The following GLYATL3 variants were observed in gnomAD, a reference collection of about 807,000 sequenced individuals.
GLYATL3 encodes the protein glycine N-acyltransferase-like protein 3.
In GLYATL3, 31 loss-of-function variants were observed where a neutral mutation model predicts 28.5. The observed-to-expected ratio is 1.09, with a 90% CI of 0.82 to 1.47. The LOEUF is 1.47. Among genes scored for constraint, GLYATL3 ranks in the 40% most tolerant of loss-of-function variants. The probability of loss-of-function intolerance (pLI) is 0.00; values close to 1 mark genes in which losing one functional copy is unlikely to be tolerated. For missense variants in GLYATL3, 369 were observed against 351.5 expected, an observed-to-expected ratio of 1.05 and a Z score of -0.40; for synonymous variants, 141 against 140.2, an observed-to-expected ratio of 1.01 and a Z score of -0.04.
At chr6:49,526,414 A>G (rs1769413984) in intron 5 of GLYATL3, 74 bp from the exon 6 acceptor site, 3 of 1,112,720 alleles carry the variant, frequency 2.7e-6, no homozygotes, top group Non-Finnish European at 3.8e-6. Context: ...CTGTGTCTCG[A>G]AAAAAAAAAT....
chr6:49,516,544 T>C (rs1459326619), intron 3 of GLYATL3, among the ~76,000 whole-genome samples: 1 of 151,842 alleles, frequency 6.6e-6, no homozygotes, highest in Non-Finnish European at 1.5e-5. Context: ...ATTCTGAGAG[T>C]TGTAATTCTT....
Position 49,512,052 on chromosome 6 carries a change from T to C in GLYATL3, c.62T>C (p.Phe21Ser). The C allele has an allele frequency of 1.5e-6, 2 of 1,378,404 alleles. No homozygotes were observed. Among genetic ancestry groups the C allele is most frequent in the South Asian group, 2.5e-5 (2 of 78,440 alleles). The allele number at this position is 1,378,404 out of a possible 1,614,324, so 85.4% of individuals were successfully genotyped here. Residue 21 changes from phenylalanine (F) to serine (S), a missense_variant, in exon 2 of 6, where the codon TTT (phenylalanine) becomes TCT (serine). Phe to Ser is a radical substitution (Grantham distance 155). Transcript: ENST00000371197. ...CTGGAGAAAATGTTGAAGAGTTGCT[T>C]TCCTGAATCACTCAAGGTACCATAA... Reference protein sequence around the residue: ...LILEKMLKSCFPESLKVYGAV... With the variant: ...LILEKMLKSCSPESLKVYGAV...
rs1343192991 is a variant in GLYATL3, at chr6:49,515,745, C to T, written c.171C>T (p.Thr57=). 2.6e-6 allele frequency: 4 copies of T among 1,544,512 alleles called. No homozygotes were observed. Among genetic ancestry groups the T allele is most frequent in the Non-Finnish European group, 3.5e-6 (4 of 1,140,380 alleles). ...DSWPDFKAVI[T]RRQREAETDN... is the part of the protein sequence containing the mutation. The stretch of plus-strand genomic sequence containing the variant: ...GGCCGGATTTCAAAGCTGTTATCAC[C>T]CGACGACAAAGAGAGGTACAGTTTT... The change falls in exon 3 of 6, where the codon ACC becomes ACT. Residue 57 remains threonine (T), a synonymous_variant. Coordinates refer to ENST00000371197, the MANE Select transcript of GLYATL3 (RefSeq NM_001010904.2).
At chr6:49,510,524 T>A (rs1032641201) in intron 1 of GLYATL3, among the ~76,000 whole-genome samples, 3 of 152,234 alleles carry the variant, frequency 2.0e-5, no homozygotes, top group African/African-American at 7.2e-5. Flanking sequence ...TTTGAAATAA[T>A]TTTGTTTCGT....
At chr6:49,506,115 T>A (rs188979380) in intron 1 of GLYATL3, among the ~76,000 whole-genome samples, 41 of 152,328 alleles carry the variant, frequency 2.7e-4, no homozygotes, top group African/African-American at 9.4e-4. Flanking sequence ...TTAAGGTGTT[T>A]AAATTGTCAG....
At chr6:49,505,302 G>T (rs928167775) in intron 1 of GLYATL3, among the ~76,000 whole-genome samples, 3 of 152,304 alleles carry the variant, frequency 2.0e-5, no homozygotes, top group Admixed American at 2.0e-4. Context: ...TAATATTTTT[G>T]ATGGTAGCTG....
intron 5 of GLYATL3, among the ~76,000 whole-genome samples, chr6:49,522,362 T>A (rs1282925934): frequency 2.1e-5 from 1 of 46,740 alleles, no homozygotes; most frequent in Non-Finnish European, 3.8e-5. Context: ...ATGCAATCTT[T>A]CAAAACACTC....
At chr6:49,524,036 G>A (rs1471733695) in intron 5 of GLYATL3, among the ~76,000 whole-genome samples, 1 of 148,032 alleles carries the variant, frequency 6.8e-6, no homozygotes, top group Non-Finnish European at 1.5e-5. Context: ...ACACAACACT[G>A]ATGCAAACAA....
chr6:49,508,652 G>A (rs1024532928), intron 1 of GLYATL3, among the ~76,000 whole-genome samples: 8 of 152,166 alleles, frequency 5.3e-5, no homozygotes, highest in African/African-American at 1.9e-4. Flanking sequence ...TCTTGGTGAC[G>A]TGAAACCTCC....
At chr6:49,513,520 T>A (rs148751553) in intron 2 of GLYATL3, among the ~76,000 whole-genome samples, 1 of 152,330 alleles carries the variant, frequency 6.6e-6, no homozygotes, top group South Asian at 2.1e-4. Flanking sequence ...TTAGGTTACA[T>A]TCTTGAGTAA....
chr6:49,510,705 C>CCT (rs1769106869), intron 1 of GLYATL3, among the ~76,000 whole-genome samples: 2 of 152,154 alleles, frequency 1.3e-5, no homozygotes, highest in Non-Finnish European at 2.9e-5. Context: ...AGTCTGGAAA[C>CCT]TAGATCTTTT....
At chr6:49,526,080 T>G (rs1402543272) in intron 5 of GLYATL3, among the ~76,000 whole-genome samples, 2 of 152,230 alleles carry the variant, frequency 1.3e-5, no homozygotes, top group South Asian at 4.1e-4. Flanking sequence ...AAATCTTAGG[T>G]GCCCTCTCAG....
At chr6:49,505,296 A>G (rs753462671) in intron 1 of GLYATL3, among the ~76,000 whole-genome samples, 13 of 152,198 alleles carry the variant, frequency 8.5e-5, no homozygotes, top group Non-Finnish European at 1.8e-4. Context: ...TGTCAGTAAT[A>G]TTTTTGATGG....
intron 4 of GLYATL3, among the ~76,000 whole-genome samples, chr6:49,519,657 T>G (rs1418954036): frequency 6.6e-6 from 1 of 152,222 alleles, no homozygotes; most frequent in Non-Finnish European, 1.5e-5. Flanking sequence ...GTTTGGCTAC[T>G]GGGTAGATCA....
At chr6:49,524,254 C>A (rs1280432301) in intron 5 of GLYATL3, among the ~76,000 whole-genome samples, 3 of 152,162 alleles carry the variant, frequency 2.0e-5, no homozygotes, top group African/African-American at 4.8e-5. Flanking sequence ...CTAATTTTTT[C>A]CCCCTGCTTA....
chr6:49,521,477 T>C (rs1769314672), intron 4 of GLYATL3, among the ~76,000 whole-genome samples, 168 bp from the exon 5 acceptor site: 1 of 152,172 alleles, frequency 6.6e-6, no homozygotes, highest in Admixed American at 6.5e-5. Context: ...ATTTGAAACT[T>C]AGACAATAGC....
chr6:49,526,542 C>T lies in GLYATL3; in HGVS notation c.495C>T (p.Leu165=). Residue 165 remains leucine, a synonymous_variant, in exon 6 of 6, where the codon CTC becomes CTT. Coordinates refer to ENST00000371197, the MANE Select transcript of GLYATL3 (RefSeq NM_001010904.2). ...TYLSVANADL[L]NRTWSRGGNE... ...TGAGTGTTGCCAATGCGGATCTACTCAACCGGACTTGGTCCCGGGGAGGCA... is the reference window on the plus strand; with the variant it reads ...TGAGTGTTGCCAATGCGGATCTACTTAACCGGACTTGGTCCCGGGGAGGCA... The T allele has an allele frequency of 6.4e-7, 1 of 1,551,816 alleles. No homozygotes were observed. Among genetic ancestry groups the T allele is most frequent in the Non-Finnish European group, 8.7e-7 (1 of 1,147,014 alleles).
chr6:49,503,296 G>A (rs1374710126), intron 1 of GLYATL3, among the ~76,000 whole-genome samples: 1 of 152,106 alleles, frequency 6.6e-6, no homozygotes, highest in Non-Finnish European at 1.5e-5. Flanking sequence ...CTTAGTTTTC[G>A]AGGTGACAAG....
intron 1 of GLYATL3, among the ~76,000 whole-genome samples, chr6:49,507,564 G>A (rs1769032498): frequency 6.6e-6 from 1 of 152,140 alleles, no homozygotes; most frequent in African/African-American, 2.4e-5. Context: ...TGAAAAGAGG[G>A]GAGAGTTGGA....
Sources: allele counts gnomAD v4.1 joint callset (sites outside exome capture counted in the v4.1 genomes callset), GRCh38; gene constraint gnomAD v4.1.1; transcripts MANE v1.5; gene names NCBI Gene and HGNC (gene_info 2026-07-23, HGNC 2026-07-21).